NYAP2: variants seen among roughly 807,000 people sequenced by gnomAD.
The protein encoded by NYAP2 is neuronal tyrosine-phosphorylated phosphoinositide-3-kinase adapter 2.
Under a neutral mutation model 50.4 loss-of-function variants are expected in NYAP2, and 23 were observed. That is an observed-to-expected ratio of 0.46 (90% CI 0.33 to 0.65). NYAP2 has a LOEUF of 0.65. Among genes scored for constraint, NYAP2 ranks in the 30% least tolerant of loss-of-function variants. The probability of loss-of-function intolerance (pLI) is 0.02; values close to 1 mark genes in which losing one functional copy is unlikely to be tolerated. For missense variants in NYAP2, 885 were observed against 861.0 expected (o/e 1.03, Z -0.35); for synonymous variants, 394 against 365.2 (o/e 1.08, Z -0.90).
Position 225,582,440 on chromosome 2 carries a change from C to G in NYAP2, c.1023C>G (p.Pro341=). 6.4e-7 allele frequency: 1 copy of G among 1,566,026 alleles called. No individual in the cohort carries two copies. The highest frequency in any genetic ancestry group is 8.7e-7 in the Non-Finnish European group (1 of 1,147,848). ...GACCCCCGCTGCTGGTATTTCCCCC[C>G]GCCCCCGTGCATTGCTCCCCCAACT... The change falls in exon 5 of 7, where the codon CCC becomes CCG. Residue 341 remains proline, a synonymous_variant. Transcript: ENST00000636099. The surrounding 1 kb of genome is among the most constrained non-coding windows in gnomAD (Gnocchi z 7.0).
intron 4 of NYAP2, among the ~76,000 whole-genome samples, chr2:225,540,124 A>G (rs764429322): frequency 6.6e-6 from 1 of 152,194 alleles, no homozygotes; most frequent in Non-Finnish European, 1.5e-5. Flanking sequence ...TGTCAAAGCC[A>G]TTCAACAAAT....
chr2:225,610,117 GGTAGAATTAGATTAAGATTT>G (rs1335505641), intron 5 of NYAP2, among the ~76,000 whole-genome samples: 1 of 152,100 alleles, frequency 6.6e-6, no homozygotes, highest in Non-Finnish European at 1.5e-5. Flanking sequence ...TCTAGAAAGT[GGTAGAATTAGATTAAGATTT>G]CATGTACGGT....
chr2:225,471,402 C>A (rs1690010568), intron 3 of NYAP2, among the ~76,000 whole-genome samples: 1 of 152,178 alleles, frequency 6.6e-6, no homozygotes, highest in South Asian at 2.1e-4. Context: ...ATTTAAAAAT[C>A]TGATGTTTGA....
chr2:225,579,824 A>G (rs965203502), intron 4 of NYAP2, among the ~76,000 whole-genome samples: 6 of 152,214 alleles, frequency 3.9e-5, no homozygotes, highest in African/African-American at 1.4e-4. Flanking sequence ...TCCATAATCT[A>G]TGTTGGAGTA....
chr2:225,562,645 C>T (rs1040156372), intron 4 of NYAP2, among the ~76,000 whole-genome samples: 5 of 152,048 alleles, frequency 3.3e-5, no homozygotes, highest in African/African-American at 4.8e-5. Flanking sequence ...CATACAGAGT[C>T]GAAGTGGAAG....
chr2:225,660,387 A>G, the NYAP2 span, among the ~76,000 whole-genome samples: 3 of 151,676 alleles, frequency 2.0e-5, no homozygotes, highest in East Asian at 3.9e-4. Flanking sequence ...AAGTCTATAT[A>G]GGAAGCTATT....
the NYAP2 span, among the ~76,000 whole-genome samples, chr2:225,660,984 T>A: frequency 6.6e-6 from 1 of 152,212 alleles, no homozygotes; most frequent in Non-Finnish European, 1.5e-5. Flanking sequence ...CTGTGCATTG[T>A]AAATCCCTTA....
At chr2:225,452,725 C>T (rs1689672668) in intron 3 of NYAP2, among the ~76,000 whole-genome samples, 1 of 152,076 alleles carries the variant, frequency 6.6e-6, no homozygotes. Flanking sequence ...TGTTTTCTTT[C>T]CAAGTCAATA....
chr2:225,501,916 G>A (rs1347586881), intron 3 of NYAP2, among the ~76,000 whole-genome samples: 3 of 152,200 alleles, frequency 2.0e-5, no homozygotes, highest in Non-Finnish European at 4.4e-5. Context: ...GATAAAGGAG[G>A]TGCTATCACA....
chr2:225,437,965 A>ATC lies in NYAP2; in HGVS notation c.221+28878_221+28879dup, dbSNP rs368095590. 4.7e-3 allele frequency among the ~76,000 whole-genome samples: 717 copies of ATC among 151,480 alleles called. 6 individuals carry two copies. The highest frequency in any genetic ancestry group is 0.016 in the African/African-American group (662 of 41,320). On this transcript the variant is annotated intron_variant, in intron 3 of 6. Transcript: ENST00000636099. ...TCACCAGTTACTCTGCCTAACAATG[A>ATC]TCTCTCTCTCTCTCTTTCTCTCTTT...
intron 5 of NYAP2, among the ~76,000 whole-genome samples, chr2:225,613,976 G>A (rs184475789): frequency 5.3e-5 from 8 of 152,230 alleles, no homozygotes; most frequent in Admixed American, 5.2e-4. Context: ...CTCATGAACT[G>A]TTTTGTTTTT....
In NYAP2 at chr2:225,617,864, A is replaced by G. The variant is rs531325158; in HGVS notation, c.1619-9053A>G. 6.6e-5 allele frequency among the ~76,000 whole-genome samples: 10 copies of G among 152,328 alleles called. No homozygotes were observed. In the East Asian group the frequency reaches 1.9e-3, roughly 29 times the overall value. ...GGATTAGAGCCAGAAGCAAACAGTA[A>G]TAAGCTATTATCCTGGGTGAAGCAG... On this transcript the variant is annotated intron_variant, in intron 5 of 6. Transcript: ENST00000636099.
chr2:225,430,024 T>C (rs1039642602), intron 3 of NYAP2, among the ~76,000 whole-genome samples: 1 of 152,222 alleles, frequency 6.6e-6, no homozygotes. Flanking sequence ...TGATAAACTC[T>C]GGATTATTCT....
chr2:225,673,507 A>G, the NYAP2 span, among the ~76,000 whole-genome samples: 75 of 152,302 alleles, frequency 4.9e-4, no homozygotes, highest in East Asian at 0.014. Context: ...GCAAAGCACA[A>G]TAAAACGAGG....
downstream of NYAP2, among the ~76,000 whole-genome samples, chr2:225,657,681 C>A (rs1693850056): frequency 6.6e-6 from 1 of 151,414 alleles, no homozygotes; most frequent in Non-Finnish European, 1.5e-5. Context: ...AAAATATTTT[C>A]TCTTTACAAT....
chr2:225,529,914 G>A (rs1224157501), intron 4 of NYAP2, among the ~76,000 whole-genome samples: 1 of 151,352 alleles, frequency 6.6e-6, no homozygotes, highest in Non-Finnish European at 1.5e-5. Flanking sequence ...TCACCATGTT[G>A]GCCAGGATGG....
rs1037744934 is a variant in NYAP2, at chr2:225,519,444, CCA to C, written c.523+5773_523+5774del. 1.9e-3 allele frequency among the ~76,000 whole-genome samples: 263 copies of C among 135,238 alleles called. 2 individuals carry two copies. Among genetic ancestry groups the C allele is most frequent in the African/African-American group, 6.9e-3 (251 of 36,320 alleles). 88.7% of individuals were successfully genotyped at this position (135,238 alleles called of 152,430 possible). A position where few individuals can be genotyped will look rare whatever the true frequency, so the allele number is the denominator to read the frequency against. On this transcript the variant is annotated intron_variant, in intron 4 of 6. Coordinates refer to ENST00000636099, the Ensembl canonical transcript of NYAP2. ...CCCTCCCCCCACCCCACAACAGTCC[CCA>C]GAGTGTGATGTTCCCCTTCCTGTGT...
In NYAP2 at chr2:225,563,695, A is replaced by G. The variant is rs748622437; in HGVS notation, c.524-18246A>G. Among the ~76,000 whole-genome samples the G allele has an allele frequency of 5.9e-5, 9 of 152,276 alleles. No homozygotes were observed. The East Asian group carries it at 1.7e-3, about 29-fold the overall frequency. ...GAGAGAGAAGGAGAGAGAGACATAC[A>G]TGCATATATGCATGCATACACATGT... is the stretch of plus-strand genomic sequence containing the variant. On this transcript the variant is annotated intron_variant, in intron 4 of 6. Transcript: ENST00000636099.
At chr2:225,632,006 C>T (rs777257125) in intron 6 of NYAP2, among the ~76,000 whole-genome samples, 6 of 152,024 alleles carry the variant, frequency 3.9e-5, no homozygotes, top group Non-Finnish European at 5.9e-5. Context: ...TTAGTAGAGA[C>T]GGGGTTTCAT....
Sources: gnomAD v4.1 joint callset for allele counts (sites outside exome capture counted in the v4.1 genomes callset) on GRCh38, gnomAD v4.1.1 for gene constraint, Gnocchi (gnomAD v3.1) non-coding constraint, MANE v1.5 for transcripts, NCBI Gene and HGNC (gene_info 2026-07-23, HGNC 2026-07-21) for gene names.